The following PGAM5 variants were observed in gnomAD, a reference collection of about 807,000 sequenced individuals.
The protein encoded by PGAM5 is PGAM family member 5, mitochondrial serine/threonine protein phosphatase, also known as serine/threonine-protein phosphatase PGAM5, mitochondrial.
Under a neutral mutation model 30.6 loss-of-function variants are expected in PGAM5, and 25 were observed. The ratio of observed to expected loss-of-function variants is 0.82; its 90% CI spans 0.60 to 1.14. PGAM5 has a LOEUF of 1.14. Ranked by LOEUF, PGAM5 falls within the 50% of genes most tolerant of loss-of-function variation. The probability of loss-of-function intolerance (pLI) is 0.00; values close to 1 mark genes in which losing one functional copy is unlikely to be tolerated. For synonymous variants in PGAM5, 201 were observed against 179.1 expected (o/e 1.12, Z -0.98); for missense variants, 384 against 408.5 (o/e 0.94, Z 0.52).
rs558762305 is a variant in PGAM5, at chr12:132,717,062, T to A, written c.371-377T>A. Among the ~76,000 whole-genome samples, 1,018 of 152,158 alleles carry A rather than the reference T, an allele frequency of 6.7e-3. 6 individuals are homozygous for A. The highest frequency in any genetic ancestry group is 9.9e-3 in the Non-Finnish European group (676 of 67,992). Reference sequence around the variant, plus strand: ...TGGTTGGGGGCCTGTGAGGCTCAGGTTTTGGACACAGTTGAGTGAGGGTGA... The same window carrying A: ...TGGTTGGGGGCCTGTGAGGCTCAGGATTTGGACACAGTTGAGTGAGGGTGA... On this transcript the variant is annotated intron_variant, in intron 2 of 5. Transcript: ENST00000498926.
chr12:132,718,255 CT>C, intron 5 of PGAM5, 135 bp downstream of exon 5: 1 of 1,155,508 alleles, frequency 8.7e-7, no homozygotes, highest in Non-Finnish European at 1.2e-6. Context: ...CGGGCGTCCA[CT>C]TCCCGCGAGT....
intron 1 of PGAM5, 121 bp downstream of exon 1, chr12:132,711,188 T>C (rs1242882818): frequency 3.8e-6 from 3 of 786,942 alleles, no homozygotes; most frequent in Non-Finnish European, 5.0e-6. Context: ...GGTCGCCGTC[T>C]GCTTTCCCCA....
intron 1 of PGAM5, chr12:132,711,310 C>T (rs537828010): frequency 2.5e-5 from 7 of 274,646 alleles, no homozygotes; most frequent in African/African-American, 6.7e-5. Flanking sequence ...TTCTCCCCGC[C>T]CCTGCGAGTC....
intron 5 of PGAM5, chr12:132,718,884 C>G: frequency 6.2e-7 from 1 of 1,607,642 alleles, no homozygotes; most frequent in South Asian, 1.1e-5. Flanking sequence ...CCGCTCCCCT[C>G]TGGGTCGAGG....
intron 2 of PGAM5, 101 bp from the exon 3 acceptor site, chr12:132,717,338 G>A: frequency 7.4e-7 from 1 of 1,353,470 alleles, no homozygotes; most frequent in Non-Finnish European, 9.9e-7. Flanking sequence ...AGGAGGGGGT[G>A]TTTGAGGGTG....
chr12:132,717,948 G>A lies in PGAM5; in HGVS notation c.586-39G>A, dbSNP rs747491824. 26 of 1,610,546 alleles carry A rather than the reference G, an allele frequency of 1.6e-5. No homozygotes were observed. In the East Asian group the frequency reaches 3.1e-4, roughly 19 times the overall value. On this transcript the variant is annotated intron_variant, in intron 4 of 5. Coordinates refer to ENST00000498926, the MANE Select transcript of PGAM5 (RefSeq NM_001170543.2). Reference sequence around the variant, plus strand: ...TGTCCTCCTGACACCCGCCCTGCCCGAGCACTTCCGCACTGACGGCTCCTC... The same window carrying A: ...TGTCCTCCTGACACCCGCCCTGCCCAAGCACTTCCGCACTGACGGCTCCTC...
In PGAM5 at chr12:132,711,005, G is replaced by T; in HGVS notation, c.129G>T (p.Glu43Asp). Residue 43 changes from glutamate to aspartate, a missense_variant, in exon 1 of 6, where the codon GAG becomes GAT. Glu to Asp is a conservative substitution (Grantham distance 45). Transcript: ENST00000498926. ...AGGDAEPRPA[E>D]PPAWAGGARP... ...GGGACGCGGAGCCACGCCCGGCTGAGCCGCCGGCCTGGGCGGGGGGCGCGC... is the reference window on the plus strand; with the variant it reads ...GGGACGCGGAGCCACGCCCGGCTGATCCGCCGGCCTGGGCGGGGGGCGCGC... The T allele has an allele frequency of 8.3e-7, 1 of 1,209,752 alleles. No individual in the cohort carries two copies. The highest frequency in any genetic ancestry group is 4.1e-5 in the South Asian group (1 of 24,226). The allele number at this position is 1,209,752 out of a possible 1,614,324, so 74.9% of individuals were successfully genotyped here.
chr12:132,713,637 T>C (rs1414827138), intron 1 of PGAM5, among the ~76,000 whole-genome samples: 1 of 152,196 alleles, frequency 6.6e-6, no homozygotes, highest in African/African-American at 2.4e-5. Flanking sequence ...ACCAGCAGGT[T>C]CGACTTTTGC....
chr12:132,715,343 G>A (rs1196153734), intron 2 of PGAM5, among the ~76,000 whole-genome samples: 17 of 151,864 alleles, frequency 1.1e-4, no homozygotes, highest in Admixed American at 9.2e-4. Context: ...GGCCGAGGCA[G>A]GTGGATTACC....
In PGAM5 at chr12:132,715,032, G is replaced by A. The variant is rs769794191; in HGVS notation, c.366G>A (p.Pro122=). The change falls in exon 2 of 6, where the codon CCG becomes CCA. Residue 122 remains proline (P), a synonymous_variant. Coordinates refer to ENST00000498926, the MANE Select transcript of PGAM5 (RefSeq NM_001170543.2). ...TGGAGAAGGACCGCACTCTGACCCC[G>A]CTGGGTATGTGGTGGGTTCAGATCC... ...GSLEKDRTLT[P]LGREQAELTG... 37 of 1,608,672 alleles carry A rather than the reference G, an allele frequency of 2.3e-5. No homozygotes were observed. The highest frequency in any genetic ancestry group is 1.2e-4 in the Admixed American group (7 of 59,308).
Position 132,720,859 on chromosome 12 carries a change from C to T in PGAM5, c.*31C>T. 6.5e-7 allele frequency: 1 copy of T among 1,528,836 alleles called. No homozygotes were observed. The highest frequency in any genetic ancestry group is 8.8e-7 in the Non-Finnish European group (1 of 1,142,066). The allele number at this position is 1,528,836 out of a possible 1,614,324, so 94.7% of individuals were successfully genotyped here. A position where few individuals can be genotyped will look rare whatever the true frequency, so the allele number is the denominator to read the frequency against. On this transcript the variant is annotated 3_prime_UTR_variant, in exon 6 of 6. Transcript: ENST00000498926. ...CCGGCCTCTCCTTCCCTCTGTCCTC[C>T]CTGCACAGGCCGCACACACTTAACG... is the stretch of plus-strand genomic sequence containing the variant.
Position 132,711,578 on chromosome 12 carries a change from T to C in PGAM5, c.191+511T>C, listed in dbSNP as rs376693292. 3.3e-5 allele frequency: 5 copies of C among 152,126 alleles called. No individual in the cohort carries two copies. The East Asian group carries it at 5.8e-4, about 18-fold the overall frequency. 9.4% of individuals were successfully genotyped at this position (152,126 alleles called of 1,614,324 possible). On this transcript the variant is annotated intron_variant, in intron 1 of 5. Coordinates refer to ENST00000498926, the MANE Select transcript of PGAM5 (RefSeq NM_001170543.2). Reference sequence around the variant, plus strand: ...GAGGCCGGAGGATCGCTTGAGAAATTTGAAACCAGCCTGGGCAACATAGTG... The same window carrying C: ...GAGGCCGGAGGATCGCTTGAGAAATCTGAAACCAGCCTGGGCAACATAGTG...
At chr12:132,719,990 G>C (rs1302316663) in intron 5 of PGAM5, among the ~76,000 whole-genome samples, 1 of 152,018 alleles carries the variant, frequency 6.6e-6, no homozygotes, top group Non-Finnish European at 1.5e-5. Flanking sequence ...AAATTAAACT[G>C]TGTTTCCTCG....
chr12:132,719,639 G>A (rs1000520795), intron 5 of PGAM5, among the ~76,000 whole-genome samples: 3 of 152,218 alleles, frequency 2.0e-5, no homozygotes, highest in Admixed American at 6.5e-5. Flanking sequence ...AGAAATAACC[G>A]GGGCGGGAGA....
intron 1 of PGAM5, among the ~76,000 whole-genome samples, chr12:132,712,009 A>C (rs1390845902): frequency 1.3e-5 from 2 of 152,180 alleles, no homozygotes; most frequent in African/African-American, 2.4e-5. Flanking sequence ...CATTATACTC[A>C]GTACTTTGAG....
At chr12:132,716,768 C>T (rs77211470) in intron 2 of PGAM5, among the ~76,000 whole-genome samples, 2,978 of 152,310 alleles carry the variant, frequency 0.02, 90 homozygotes, top group African/African-American at 0.066. Context: ...TGTTCATGCA[C>T]ATACTAAAAG....
Position 132,718,083 on chromosome 12 carries a change from A to C in PGAM5, c.682A>C (p.Ile228Leu). Reference protein sequence around the residue: ...RQEEDSYEIFICHANVIRYIV... With the variant: ...RQEEDSYEIFLCHANVIRYIV... ...GGAGGAGGACAGTTACGAGATCTTC[A>C]TCTGTCACGCCAACGTCATCCGCTA... The change falls in exon 5 of 6, where the codon ATC becomes CTC. Residue 228 changes from isoleucine to leucine, a missense_variant. By Grantham distance (5) the Ile-to-Leu change is conservative. Coordinates refer to ENST00000498926, the MANE Select transcript of PGAM5 (RefSeq NM_001170543.2). The C allele has an allele frequency of 6.2e-7, 1 of 1,612,750 alleles. No individual in the cohort carries two copies. Among genetic ancestry groups the C allele is most frequent in the South Asian group, 1.1e-5 (1 of 91,076 alleles).
rs1369810483 is a variant in PGAM5, at chr12:132,720,961, G to A, written c.*133G>A. 1.1e-5 allele frequency: 13 copies of A among 1,156,310 alleles called. 1 individual carries two copies. Among genetic ancestry groups the A allele is most frequent in the Non-Finnish European group, 1.5e-5 (13 of 842,698 alleles). The allele number at this position is 1,156,310 out of a possible 1,614,324, so 71.6% of individuals were successfully genotyped here. A position where few individuals can be genotyped will look rare whatever the true frequency, so the allele number is the denominator to read the frequency against. On this transcript the variant is annotated 3_prime_UTR_variant, in exon 6 of 6. Transcript: ENST00000498926. Reference sequence around the variant, plus strand: ...GGGAACTGACTTGTGACCAGGCTGAGAAGGGGAGAGTTGGGATCAGACAGC... The same window carrying A: ...GGGAACTGACTTGTGACCAGGCTGAAAAGGGGAGAGTTGGGATCAGACAGC...
intron 1 of PGAM5, 28 bp downstream of exon 1, chr12:132,711,095 G>A (rs2043517446): frequency 8.3e-7 from 1 of 1,201,818 alleles, no homozygotes; most frequent in Non-Finnish European, 1.0e-6. Context: ...TGGGGCCGGG[G>A]TCGGGATGGG....
Sources: allele counts gnomAD v4.1 joint callset (sites outside exome capture counted in the v4.1 genomes callset), GRCh38; gene constraint gnomAD v4.1.1; transcripts MANE v1.5; gene names NCBI Gene and HGNC (gene_info 2026-07-23, HGNC 2026-07-21).